ANO10: variants seen among roughly 807,000 people sequenced by gnomAD.
ANO10 encodes the protein anoctamin-10.
Under a neutral mutation model 74.7 loss-of-function variants are expected in ANO10, and 77 were observed. That is an observed-to-expected ratio of 1.03 (90% CI 0.86 to 1.25). ANO10 has a LOEUF of 1.25. Among genes scored for constraint, ANO10 ranks in the 50% most tolerant of loss-of-function variants. The probability of loss-of-function intolerance (pLI) is 0.00; values close to 1 mark genes in which losing one functional copy is unlikely to be tolerated. For missense variants in ANO10, 721 were observed against 778.1 expected (o/e 0.93, Z 0.87); for synonymous variants, 279 against 284.9 (o/e 0.98, Z 0.21).
chr3:43,659,247 T>A (rs1295372844), intron 1 of ANO10, among the ~76,000 whole-genome samples: 2 of 152,124 alleles, frequency 1.3e-5, no homozygotes, highest in African/African-American at 4.8e-5. Context: ...CAAAGTAGGG[T>A]GGGGCGTCAC....
intron 9 of ANO10, among the ~76,000 whole-genome samples, chr3:43,559,969 T>C (rs2079947365): frequency 6.6e-6 from 1 of 152,198 alleles, no homozygotes; most frequent in Non-Finnish European, 1.5e-5. Context: ...GTTCAAAGTT[T>C]ACTATGTGTT....
At chr3:43,621,543 C>T (rs1327876475) in intron 1 of ANO10, among the ~76,000 whole-genome samples, 2 of 152,122 alleles carry the variant, frequency 1.3e-5, no homozygotes, top group African/African-American at 4.8e-5. Context: ...GCCTCCTTCC[C>T]CAAAGCGCTG....
At chr3:43,390,423 T>C (rs2092245459) in intron 12 of ANO10, among the ~76,000 whole-genome samples, 1 of 152,212 alleles carries the variant, frequency 6.6e-6, no homozygotes, top group Non-Finnish European at 1.5e-5. Flanking sequence ...CAGTAGCAGG[T>C]TTTTTGTTTC....
chr3:43,579,336 G>A (rs1455751889), intron 5 of ANO10, among the ~76,000 whole-genome samples: 3 of 152,158 alleles, frequency 2.0e-5, no homozygotes, highest in African/African-American at 7.2e-5. Context: ...GTGTGGCATA[G>A]CTTGTTTCAT....
At chr3:43,635,018 G>C (rs2083591028) in intron 1 of ANO10, among the ~76,000 whole-genome samples, 1 of 152,104 alleles carries the variant, frequency 6.6e-6, no homozygotes, top group South Asian at 2.1e-4. Context: ...TGTGGACTAA[G>C]GACACAAGGA....
rs1358625147 is a variant in ANO10, at chr3:43,673,211, T to G, written c.-12+18306A>C. Among the ~76,000 whole-genome samples, 4 of 152,220 alleles carry G rather than the reference T, an allele frequency of 2.6e-5. No homozygotes were observed. In the East Asian group the frequency reaches 7.7e-4, roughly 29 times the overall value. On this transcript the variant is annotated intron_variant, in intron 1 of 3. Coordinates refer to the ANO10 transcript ENST00000413397. ...TTGCTGAATTACTTAGAACCAAGTA[T>G]TTATTGCTTCACAAACAGATTAGTT...
intron 4 of ANO10, among the ~76,000 whole-genome samples, chr3:43,592,835 G>A (rs554987115): frequency 1.3e-5 from 2 of 152,276 alleles, no homozygotes; most frequent in East Asian, 1.9e-4. Flanking sequence ...GGAACCCATC[G>A]CAAACAAGCT....
chr3:43,468,865 C>T (rs971380910), intron 11 of ANO10, among the ~76,000 whole-genome samples: 13 of 151,662 alleles, frequency 8.6e-5, no homozygotes, highest in African/African-American at 3.1e-4. Context: ...TGCATGCCAC[C>T]AAGGCTGGCT....
At chr3:43,511,843 C>T (rs1030654630) in intron 11 of ANO10, among the ~76,000 whole-genome samples, 3 of 151,604 alleles carry the variant, frequency 2.0e-5, no homozygotes, top group Middle Eastern at 3.2e-3. Flanking sequence ...AGATTTTTAC[C>T]TACATTAAAA....
chr3:43,427,277 G>C (rs915443373), intron 12 of ANO10, among the ~76,000 whole-genome samples: 4 of 152,128 alleles, frequency 2.6e-5, no homozygotes, highest in Non-Finnish European at 2.9e-5. Flanking sequence ...TTGCTGGGGG[G>C]TGGGGATTGA....
intron 12 of ANO10, among the ~76,000 whole-genome samples, chr3:43,421,230 A>G (rs2148914188): frequency 6.7e-6 from 1 of 149,462 alleles, no homozygotes; most frequent in Non-Finnish European, 1.5e-5. Context: ...CAAGAAAAGA[A>G]CTGGCCAGGG....
intron 12 of ANO10, among the ~76,000 whole-genome samples, chr3:43,376,242 C>T (rs1410902285): frequency 6.6e-6 from 1 of 152,214 alleles, no homozygotes; most frequent in African/African-American, 2.4e-5. Context: ...ATCTCCTCCA[C>T]TGGATGAAGA....
At chr3:43,429,955 C>T (rs983040111) in intron 12 of ANO10, among the ~76,000 whole-genome samples, 1 of 152,052 alleles carries the variant, frequency 6.6e-6, no homozygotes, top group Admixed American at 6.6e-5. Context: ...AACTGCAATT[C>T]GAGGAAGACT....
intron 1 of ANO10, among the ~76,000 whole-genome samples, chr3:43,608,590 GTTTTT>G (rs2149504296): frequency 6.6e-6 from 1 of 152,116 alleles, no homozygotes; most frequent in South Asian, 2.1e-4. Context: ...GTTTTGTTTT[GTTTTT>G]AGACAGGGTC....
At chr3:43,374,649 T>C (rs898128229) in intron 12 of ANO10, among the ~76,000 whole-genome samples, 3 of 152,196 alleles carry the variant, frequency 2.0e-5, no homozygotes, top group African/African-American at 7.2e-5. Flanking sequence ...ATCCATGAGA[T>C]CTTGCGAGTA....
intron 12 of ANO10, among the ~76,000 whole-genome samples, chr3:43,403,846 G>C (rs1022459543): frequency 6.6e-6 from 1 of 152,114 alleles, no homozygotes; most frequent in African/African-American, 2.4e-5. Context: ...CAGAGTACCT[G>C]TGGTGGACAC....
chr3:43,425,663 CA>C (rs910058788), intron 12 of ANO10, among the ~76,000 whole-genome samples: 2 of 152,080 alleles, frequency 1.3e-5, no homozygotes, highest in African/African-American at 4.8e-5. Flanking sequence ...ATTAGACTGT[CA>C]AAACAGACCC....
At position 43,555,390 on chromosome 3, in the gene ANO10, G is replaced by A; in HGVS notation, c.1556C>T (p.Ala519Val). The part of the protein sequence containing the change: ...SLFSCVYPLA[A>V]AFAVLNNFTE... The stretch of plus-strand genomic sequence containing the variant: ...GAAGTTATTTAACACAGCAAAGGCA[G>A]CTGCTAATGGGTAAACACAGGAGAA... Residue 519 changes from alanine (A) to valine (V), a missense_variant, in exon 10 of 13, where the codon GCT becomes GTT. Physicochemically the swap from Ala to Val is moderately conservative, Grantham distance 64. Coordinates refer to ENST00000292246, the MANE Select transcript of ANO10 (RefSeq NM_018075.5). 1 of 1,614,148 alleles carries A rather than the reference G, an allele frequency of 6.2e-7. No homozygotes were observed. Among genetic ancestry groups the A allele is most frequent in the South Asian group, 1.1e-5 (1 of 91,090 alleles).
intron 1 of ANO10, among the ~76,000 whole-genome samples, chr3:43,668,677 A>AC (rs1168326827): frequency 1.3e-5 from 2 of 152,104 alleles, no homozygotes; most frequent in Non-Finnish European, 2.9e-5. Context: ...CGTTTATTGA[A>AC]CAGGGCATCC....
Sources: gnomAD v4.1 joint callset for allele counts (sites outside exome capture counted in the v4.1 genomes callset) on GRCh38, gnomAD v4.1.1 for gene constraint, MANE v1.5 for transcripts, NCBI Gene and HGNC (gene_info 2026-07-23, HGNC 2026-07-21) for gene names.